The following CD109 variants were observed in gnomAD, a reference collection of about 807,000 sequenced individuals.
The protein encoded by CD109 is CD109 antigen.
Under a neutral mutation model 165.8 loss-of-function variants are expected in CD109, and 149 were observed. The ratio of observed to expected loss-of-function variants is 0.90; its 90% CI spans 0.79 to 1.03. The LOEUF (loss-of-function observed/expected upper bound fraction) is 1.03. CD109 is among the 50% of genes least tolerant of loss of function. The probability of loss-of-function intolerance (pLI) is 0.00; values close to 1 mark genes in which losing one functional copy is unlikely to be tolerated. For missense variants in CD109, 1,712 were observed against 1,677.8 expected, an observed-to-expected ratio of 1.02 and a Z score of -0.36; for synonymous variants, 585 against 592.1, an observed-to-expected ratio of 0.99 and a Z score of 0.18.
intron 22 of CD109, among the ~76,000 whole-genome samples, chr6:73,791,176 T>TATATATAC (rs1251422367): frequency 4.1e-5 from 1 of 24,146 alleles, no homozygotes; most frequent in East Asian, 1.6e-3. Context: ...TATATATATA[T>TATATATAC]ACACACACAC....
At chr6:73,712,004 T>G (rs1188401291) in intron 2 of CD109, among the ~76,000 whole-genome samples, 1 of 152,214 alleles carries the variant, frequency 6.6e-6, no homozygotes, top group Non-Finnish European at 1.5e-5. Flanking sequence ...CCCTGCCATA[T>G]GAATCTCCAA....
At chr6:73,707,049 C>T (rs1404840043) in intron 2 of CD109, among the ~76,000 whole-genome samples, 2 of 152,204 alleles carry the variant, frequency 1.3e-5, no homozygotes, top group Non-Finnish European at 2.9e-5. Context: ...GTTCCTGTGC[C>T]TGTGCTCTTC....
intron 15 of CD109, among the ~76,000 whole-genome samples, chr6:73,775,861 T>C (rs1395708888): frequency 6.6e-6 from 1 of 152,252 alleles, no homozygotes; most frequent in African/African-American, 2.4e-5. Context: ...TTGTTCTTTA[T>C]GGCTGCCTAG....
In CD109 at chr6:73,812,288, T is replaced by A. The variant is rs771928507; in HGVS notation, c.3768+18T>A. 20 of 1,522,058 alleles carry A rather than the reference T, an allele frequency of 1.3e-5. No homozygotes were observed. In the Middle Eastern group the frequency reaches 6.8e-4, roughly 52 times the overall value. The allele number at this position is 1,522,058 out of a possible 1,614,324, so 94.3% of individuals were successfully genotyped here. ...TTTGTCAGGTATGTAACGATGCTTA[T>A]TTTTTTAAGTTAAATATGACTTTTT... On this transcript the variant is annotated intron_variant, in intron 29 of 32. Coordinates refer to ENST00000287097, the MANE Select transcript of CD109 (RefSeq NM_133493.5).
chr6:73,774,310 A>G (rs1582137267), intron 15 of CD109, among the ~76,000 whole-genome samples: 1 of 152,194 alleles, frequency 6.6e-6, no homozygotes, highest in East Asian at 1.9e-4. Flanking sequence ...TAAGGTTCCA[A>G]TCTGTGTAAG....
intron 4 of CD109, 110 bp from the exon 5 acceptor site, chr6:73,736,273 T>A: frequency 1.7e-6 from 2 of 1,168,526 alleles, no homozygotes; most frequent in Non-Finnish European, 2.4e-6. Context: ...TATTTTGGAG[T>A]AAAGTTCTGG....
intron 2 of CD109, among the ~76,000 whole-genome samples, chr6:73,708,092 G>T (rs1466334063): frequency 6.6e-6 from 1 of 150,932 alleles, no homozygotes; most frequent in African/African-American, 2.4e-5. Context: ...TTGGTGTGCT[G>T]CACCCATTAA....
intron 23 of CD109, among the ~76,000 whole-genome samples, chr6:73,800,819 A>G (rs551793328): frequency 1.3e-5 from 2 of 152,208 alleles, no homozygotes; most frequent in East Asian, 1.9e-4. Context: ...ATGTATATAC[A>G]TGTAAGTAAT....
At chr6:73,805,963 C>T (rs1775546504) in intron 24 of CD109, among the ~76,000 whole-genome samples, 1 of 152,178 alleles carries the variant, frequency 6.6e-6, no homozygotes, top group Non-Finnish European at 1.5e-5. Flanking sequence ...GACACAGCAA[C>T]AATCTGATCT....
chr6:73,781,305 A>G lies in CD109; in HGVS notation c.1949A>G (p.Tyr650Cys), dbSNP rs1319261618. Residue 650 changes from tyrosine to cysteine, a missense_variant, in exon 17 of 33, where the codon TAT becomes TGT. Physicochemically the swap from Tyr to Cys is radical, Grantham distance 194. Transcript: ENST00000287097. ...ACAGATGCAAACCTCACGAAGGATT[A>G]TATTGATGGTGTTTGTAAGTAATAC... ...VLTDANLTKDYIDGVYDNAEY... is the reference protein window; with the variant it reads ...VLTDANLTKDCIDGVYDNAEY... 2 of 1,612,804 alleles carry G rather than the reference A, an allele frequency of 1.2e-6. No homozygotes were observed. Among genetic ancestry groups the G allele is most frequent in the South Asian group, 2.2e-5 (2 of 91,016 alleles).
Position 73,811,094 on chromosome 6 carries a change from C to G in CD109, c.3649C>G (p.Pro1217Ala), listed in dbSNP as rs1775742027. Reference protein sequence around the residue: ...VTVTGPSSPSPVKFLIDTHNR... With the variant: ...VTVTGPSSPSAVKFLIDTHNR... ...CGTGACGGGGCCTAGCTCACCAAGT[C>G]CTGTAAAGTTTCTGATTGACACACA... Residue 1217 changes from proline (P) to alanine (A), a missense_variant, in exon 28 of 33, where the codon CCT (proline) becomes GCT (alanine). Pro to Ala is a conservative substitution (Grantham distance 27). Transcript: ENST00000287097. 1.2e-6 allele frequency: 2 copies of G among 1,613,260 alleles called. No individual in the cohort carries two copies. Among genetic ancestry groups the G allele is most frequent in the East Asian group, 2.2e-5 (1 of 44,880 alleles).
At chr6:73,811,468 G>A (rs919913725) in intron 28 of CD109, among the ~76,000 whole-genome samples, 1 of 152,098 alleles carries the variant, frequency 6.6e-6, no homozygotes, top group African/African-American at 2.4e-5. Context: ...ACTTCTCAAA[G>A]TAACTCTAAG....
At chr6:73,705,161 A>G (rs1204584385) in intron 2 of CD109, among the ~76,000 whole-genome samples, 2 of 152,316 alleles carry the variant, frequency 1.3e-5, no homozygotes, top group African/African-American at 4.8e-5. Flanking sequence ...TTGGGGAGAC[A>G]TCCAGGTGGA....
At chr6:73,697,153 A>G (rs1316689191) in intron 1 of CD109, among the ~76,000 whole-genome samples, 1 of 152,228 alleles carries the variant, frequency 6.6e-6, no homozygotes, top group East Asian at 1.9e-4. Flanking sequence ...TAAAATGGAA[A>G]TAATAACACA....
chr6:73,719,972 G>A (rs1355889600), intron 2 of CD109, among the ~76,000 whole-genome samples: 2 of 152,142 alleles, frequency 1.3e-5, no homozygotes, highest in African/African-American at 4.8e-5. Flanking sequence ...TACAAGGTAA[G>A]ATACTCCCAA....
intron 2 of CD109, among the ~76,000 whole-genome samples, chr6:73,720,797 T>C (rs892630945): frequency 6.6e-6 from 1 of 152,194 alleles, no homozygotes; most frequent in African/African-American, 2.4e-5. Context: ...ATAATCCTGG[T>C]GAGGCCTCAT....
chr6:73,776,944 A>T (rs921205227), intron 15 of CD109, among the ~76,000 whole-genome samples: 2 of 147,680 alleles, frequency 1.4e-5, no homozygotes, highest in Non-Finnish European at 1.5e-5. Flanking sequence ...GTATGCATGT[A>T]TGACTTCTTT....
At chr6:73,691,419 A>G (rs1248142796), upstream of CD109, among the ~76,000 whole-genome samples, 1 of 152,214 alleles carries the variant, frequency 6.6e-6, no homozygotes. Flanking sequence ...ACACTTGTCC[A>G]TACTGTTACT....
intron 24 of CD109, 114 bp from the exon 25 acceptor site, chr6:73,806,730 C>T: frequency 1.5e-6 from 1 of 679,238 alleles, no homozygotes; most frequent in South Asian, 2.1e-5. Context: ...TCAGTGATTC[C>T]CCCTTTGATG....
Sources: gnomAD v4.1 joint callset for allele counts (sites outside exome capture counted in the v4.1 genomes callset) on GRCh38, gnomAD v4.1.1 for gene constraint, MANE v1.5 for transcripts, NCBI Gene and HGNC (gene_info 2026-07-23, HGNC 2026-07-21) for gene names.